The following COL26A1 variants were observed in gnomAD, a reference collection of about 807,000 sequenced individuals.
COL26A1 encodes the protein collagen type XXVI alpha 1 chain, also known as collagen alpha-1(XXVI) chain.
Under a neutral mutation model 59.3 loss-of-function variants are expected in COL26A1, and 41 were observed. The ratio of observed to expected loss-of-function variants is 0.69; its 90% CI spans 0.54 to 0.90. The LOEUF (loss-of-function observed/expected upper bound fraction) is 0.90, where lower values mean the gene tolerates loss of function less well. COL26A1 is among the 40% of genes least tolerant of loss of function. COL26A1 has a pLI of 0.00. For missense variants in COL26A1, 612 were observed against 602.3 expected, an observed-to-expected ratio of 1.02 and a Z score of -0.17; for synonymous variants, 266 against 256.0, an observed-to-expected ratio of 1.04 and a Z score of -0.37.
intron 3 of COL26A1, among the ~76,000 whole-genome samples, chr7:101,476,517 G>C (rs926189046): frequency 2.6e-5 from 4 of 151,512 alleles, no homozygotes; most frequent in Admixed American, 2.6e-4. Context: ...AACCGGGTTG[G>C]TTAACATCGG....
At chr7:101,451,126 A>G (rs1232404446) in intron 3 of COL26A1, among the ~76,000 whole-genome samples, 3 of 142,474 alleles carry the variant, frequency 2.1e-5, no homozygotes, top group Admixed American at 7.3e-5. Context: ...GTTGAAATAT[A>G]TAATATATAA....
intron 1 of COL26A1, among the ~76,000 whole-genome samples, chr7:101,373,272 A>G (rs1407533407): frequency 6.6e-6 from 1 of 152,204 alleles, no homozygotes; most frequent in Non-Finnish European, 1.5e-5. Context: ...GACAGGCTAC[A>G]GGCCTGAGCT....
chr7:101,455,653 C>A (rs1157363682), intron 3 of COL26A1, among the ~76,000 whole-genome samples: 1 of 151,462 alleles, frequency 6.6e-6, no homozygotes, highest in Non-Finnish European at 1.5e-5. Context: ...CAGGTGTGCA[C>A]CACCACCCCC....
intron 1 of COL26A1, among the ~76,000 whole-genome samples, chr7:101,374,633 A>G (rs976354606): frequency 6.6e-5 from 10 of 152,160 alleles, no homozygotes; most frequent in Non-Finnish European, 1.0e-4. Flanking sequence ...ATGATCTGTC[A>G]TTGTCTCCCA....
chr7:101,429,549 G>A (rs1421750736), intron 2 of COL26A1, among the ~76,000 whole-genome samples: 1 of 139,822 alleles, frequency 7.2e-6, no homozygotes, highest in African/African-American at 2.7e-5. Context: ...CAGATAGATT[G>A]ATTCTTCTCA....
At chr7:101,384,955 T>A (rs1049316645) in intron 1 of COL26A1, among the ~76,000 whole-genome samples, 1 of 152,014 alleles carries the variant, frequency 6.6e-6, no homozygotes, top group African/African-American at 2.4e-5. Context: ...AAGCCTGGCG[T>A]CTGATATTTG....
intron 3 of COL26A1, among the ~76,000 whole-genome samples, chr7:101,522,358 GT>G (rs1049659313): frequency 1.3e-5 from 2 of 152,142 alleles, no homozygotes; most frequent in African/African-American, 4.8e-5. Context: ...GTCTCAGTCT[GT>G]TTTGTGCTAC....
chr7:101,364,342 A>ATT (rs11334864), intron 1 of COL26A1, among the ~76,000 whole-genome samples: 1 of 150,136 alleles, frequency 6.7e-6, no homozygotes, highest in African/African-American at 2.4e-5. Flanking sequence ...TTATATTTTA[A>ATT]TTTTTTTTTT....
At chr7:101,525,559 T>C (rs1334144666) in intron 3 of COL26A1, among the ~76,000 whole-genome samples, 2 of 150,568 alleles carry the variant, frequency 1.3e-5, no homozygotes, top group East Asian at 2.0e-4. Context: ...TGCAGTGGCA[T>C]GATCTTGGCT....
At chr7:101,547,053 T>G (rs553094651) in intron 7 of COL26A1, 103 bp from the exon 8 acceptor site, 1,179 of 749,846 alleles carry the variant, frequency 1.6e-3, no homozygotes, top group Non-Finnish European at 2.2e-3. Context: ...GGAGCCCCCC[T>G]GGGCTTCGTG....
intron 3 of COL26A1, among the ~76,000 whole-genome samples, chr7:101,481,287 C>G (rs1337791860): frequency 6.6e-6 from 1 of 152,064 alleles, no homozygotes; most frequent in African/African-American, 2.4e-5. Flanking sequence ...ATAGCCACCC[C>G]ACCCAAGGTC....
chr7:101,476,509 C>A (rs1487864951), intron 3 of COL26A1, among the ~76,000 whole-genome samples: 1 of 151,754 alleles, frequency 6.6e-6, no homozygotes, highest in East Asian at 1.9e-4. Flanking sequence ...TAGGAAAAAA[C>A]CGGGTTGGTT....
At chr7:101,373,439 T>C (rs1054631955) in intron 1 of COL26A1, among the ~76,000 whole-genome samples, 18 of 152,370 alleles carry the variant, frequency 1.2e-4, no homozygotes, top group African/African-American at 4.3e-4. Context: ...TTTTCCTGCA[T>C]GGAGTTTTCA....
intron 3 of COL26A1, among the ~76,000 whole-genome samples, chr7:101,512,996 T>TTTATTATTATTATTA (rs60374143): frequency 6.7e-5 from 10 of 149,500 alleles, no homozygotes; most frequent in Non-Finnish European, 8.9e-5. Flanking sequence ...TTTTTACAAT[T>TTTATTATTATTATTA]TTATTATTAT....
chr7:101,394,620 G>A (rs1386206060), intron 1 of COL26A1, among the ~76,000 whole-genome samples: 1 of 127,924 alleles, frequency 7.8e-6, no homozygotes, highest in African/African-American at 3.0e-5. Flanking sequence ...ATGGGGTCTC[G>A]CTATGTTGCT....
chr7:101,499,780 G>A (rs976994237), intron 3 of COL26A1, among the ~76,000 whole-genome samples: 21 of 151,876 alleles, frequency 1.4e-4, no homozygotes, highest in Admixed American at 1.1e-3. Flanking sequence ...TGGAGGCTGA[G>A]GCAGGAGGAT....
intron 3 of COL26A1, among the ~76,000 whole-genome samples, chr7:101,459,726 T>C (rs887914530): frequency 1.3e-5 from 2 of 152,132 alleles, no homozygotes; most frequent in Non-Finnish European, 2.9e-5. Context: ...ATAACTTTAT[T>C]CTGAGTAGGG....
intron 2 of COL26A1, among the ~76,000 whole-genome samples, chr7:101,422,075 G>A (rs994922764): frequency 6.6e-6 from 1 of 152,064 alleles, no homozygotes; most frequent in African/African-American, 2.4e-5. Context: ...ACTTTGGGAG[G>A]CTGAGGCAGG....
intron 1 of COL26A1, among the ~76,000 whole-genome samples, chr7:101,384,508 A>G (rs918743521): frequency 2.6e-5 from 4 of 151,896 alleles, no homozygotes; most frequent in African/African-American, 7.3e-5. Flanking sequence ...GATTACAGAC[A>G]TGAGGTACTG....
Sources: gnomAD v4.1 joint callset for allele counts (sites outside exome capture counted in the v4.1 genomes callset) on GRCh38, gnomAD v4.1.1 for gene constraint, MANE v1.5 for transcripts, NCBI Gene and HGNC (gene_info 2026-07-23, HGNC 2026-07-21) for gene names.